KLHL29: variants seen among roughly 807,000 people sequenced by gnomAD.
KLHL29 encodes the protein kelch like family member 29.
In KLHL29, 21 loss-of-function variants were observed where a neutral mutation model predicts 80.4. The ratio of observed to expected loss-of-function variants is 0.26; its 90% CI spans 0.19 to 0.38. The LOEUF (loss-of-function observed/expected upper bound fraction) is 0.38, where lower values mean the gene tolerates loss of function less well. KLHL29 is among the 10% of genes least tolerant of loss of function. The pLI is 1.00. For synonymous variants in KLHL29, 511 were observed against 526.8 expected (o/e 0.97, Z 0.41); for missense variants, 867 against 1,223.9 (o/e 0.71, Z 4.35).
At chr2:23,428,420 C>T (rs968529778) in intron 1 of KLHL29, among the ~76,000 whole-genome samples, 3 of 152,184 alleles carry the variant, frequency 2.0e-5, no homozygotes, top group African/African-American at 7.2e-5. Context: ...TCCTTCCTGG[C>T]ACTCCATAAT....
intron 2 of KLHL29, among the ~76,000 whole-genome samples, chr2:23,501,936 C>T (rs1665457257): frequency 6.6e-6 from 1 of 152,194 alleles, no homozygotes; most frequent in Non-Finnish European, 1.5e-5. Context: ...TTGTTTTTAA[C>T]ATGCATCTTA....
At chr2:23,607,077 ACCTAATCACTTC>A (rs1227697917) in intron 3 of KLHL29, among the ~76,000 whole-genome samples, 1 of 152,140 alleles carries the variant, frequency 6.6e-6, no homozygotes, top group African/African-American at 2.4e-5. Flanking sequence ...CACCCTCATG[ACCTAATCACTTC>A]CCTAAGGCTT....
chr2:23,437,666 T>C (rs892473692), intron 1 of KLHL29, among the ~76,000 whole-genome samples: 1 of 152,230 alleles, frequency 6.6e-6, no homozygotes, highest in Non-Finnish European at 1.5e-5. Flanking sequence ...GCCATTGATC[T>C]ATATCTCTGT....
At chr2:23,615,529 C>CCGGGCTCTGTGTGAGCCGCA (rs1668982365) in intron 3 of KLHL29, among the ~76,000 whole-genome samples, 1 of 152,052 alleles carries the variant, frequency 6.6e-6, no homozygotes, top group African/African-American at 2.4e-5. Context: ...GAGGACGTCC[C>CCGGGCTCTGTGTGAGCCGCA]CGGGCTCTGT....
intron 2 of KLHL29, among the ~76,000 whole-genome samples, chr2:23,546,203 G>T (rs142272669): frequency 6.6e-6 from 1 of 152,338 alleles, no homozygotes; most frequent in Non-Finnish European, 1.5e-5. Flanking sequence ...GTGACTGTGG[G>T]CAGGGAATGT....
rs539853885 is a variant in KLHL29 at position 23,463,496 on chromosome 2, C to T, written c.-153-12064C>T. 7.5e-4 allele frequency among the ~76,000 whole-genome samples: 114 copies of T among 152,204 alleles called. 3 individuals are homozygous for T. In the South Asian group the frequency reaches 0.024, roughly 32 times the overall value. ...GGCATAGACAAAAAATTTTACTGTA[C>T]AAAATTCTCATTTAAAACCCCTCAG... On this transcript the variant is annotated intron_variant, in intron 1 of 13. Coordinates refer to ENST00000486442, the MANE Select transcript of KLHL29 (RefSeq NM_052920.2).
intron 3 of KLHL29, among the ~76,000 whole-genome samples, chr2:23,631,119 G>A (rs996070564): frequency 5.9e-5 from 9 of 151,728 alleles, no homozygotes; most frequent in Non-Finnish European, 1.3e-4. Context: ...GACGGGTTCT[G>A]CAGTTGTAGC....
chr2:23,423,779 T>C (rs1662920953), intron 1 of KLHL29, among the ~76,000 whole-genome samples: 1 of 152,176 alleles, frequency 6.6e-6, no homozygotes, highest in African/African-American at 2.4e-5. Context: ...TTCTCCATCC[T>C]GGAGTGTCCT....
intron 3 of KLHL29, among the ~76,000 whole-genome samples, chr2:23,574,472 C>T (rs773241402): frequency 6.6e-6 from 1 of 152,090 alleles, no homozygotes; most frequent in South Asian, 2.1e-4. Flanking sequence ...GCTGGGTGAA[C>T]GCGCTTTATT....
chr2:23,511,786 G>A (rs1342752878), intron 2 of KLHL29, among the ~76,000 whole-genome samples: 3 of 152,140 alleles, frequency 2.0e-5, no homozygotes, highest in Non-Finnish European at 4.4e-5. Flanking sequence ...GTGTCGGTTC[G>A]TGGCTGCAGT....
At chr2:23,637,814 A>G (rs1669656997) in intron 3 of KLHL29, among the ~76,000 whole-genome samples, 1 of 152,046 alleles carries the variant, frequency 6.6e-6, no homozygotes, top group Admixed American at 6.5e-5. Context: ...TTTCATCAGA[A>G]GTCACCGTGA....
intron 8 of KLHL29, among the ~76,000 whole-genome samples, chr2:23,694,551 CTG>C (rs759500627): frequency 6.6e-6 from 1 of 152,228 alleles, no homozygotes; most frequent in Non-Finnish European, 1.5e-5. Context: ...ACAGGGGAAA[CTG>C]TGCAGTCCTT....
chr2:23,431,506 C>A (rs1446846876), intron 1 of KLHL29, among the ~76,000 whole-genome samples: 1 of 152,260 alleles, frequency 6.6e-6, no homozygotes, highest in Non-Finnish European at 1.5e-5. Context: ...CAGCCCTGCT[C>A]CTCCGCCGGC....
At chr2:23,441,730 T>C (rs2103415283) in intron 1 of KLHL29, among the ~76,000 whole-genome samples, 1 of 152,346 alleles carries the variant, frequency 6.6e-6, no homozygotes, top group East Asian at 1.9e-4. Context: ...CTGCTGCTGT[T>C]GACCACAGCT....
intron 2 of KLHL29, among the ~76,000 whole-genome samples, chr2:23,537,383 G>A (rs1666702758): frequency 8.0e-6 from 1 of 124,938 alleles, no homozygotes; most frequent in African/African-American, 2.9e-5. Context: ...TTCTAGTTGA[G>A]TTTGAGCTGC....
chr2:23,598,689 G>T (rs1668489869), intron 3 of KLHL29, among the ~76,000 whole-genome samples: 1 of 152,252 alleles, frequency 6.6e-6, no homozygotes, highest in African/African-American at 2.4e-5. Flanking sequence ...CCCCATGGTG[G>T]CCCAGGGGAG....
intron 1 of KLHL29, among the ~76,000 whole-genome samples, chr2:23,429,166 G>C (rs997912878): frequency 6.6e-6 from 1 of 152,338 alleles, no homozygotes; most frequent in African/African-American, 2.4e-5. Flanking sequence ...AGGCACGCAC[G>C]TGTGCATACA....
intron 1 of KLHL29, among the ~76,000 whole-genome samples, chr2:23,423,656 G>T (rs1292131273): frequency 6.6e-6 from 1 of 152,092 alleles, no homozygotes; most frequent in Non-Finnish European, 1.5e-5. Context: ...CCTGGCGGGC[G>T]GGGGTCCTGT....
intron 1 of KLHL29, among the ~76,000 whole-genome samples, chr2:23,413,751 C>T (rs936646048): frequency 6.6e-6 from 1 of 152,202 alleles, no homozygotes; most frequent in African/African-American, 2.4e-5. Context: ...GCATCTGTCC[C>T]CACCAAGCCC....
Sources: gnomAD v4.1 joint callset for allele counts (sites outside exome capture counted in the v4.1 genomes callset) on GRCh38, gnomAD v4.1.1 for gene constraint, MANE v1.5 for transcripts, NCBI Gene and HGNC (gene_info 2026-07-23, HGNC 2026-07-21) for gene names.